Variants in MYT1L observed in about 807,000 individuals in gnomAD.
MYT1L encodes myelin transcription factor 1 like.
Under a neutral mutation model 126.7 loss-of-function variants are expected in MYT1L, and 12 were observed. That is an observed-to-expected ratio of 0.09 (90% CI 0.06 to 0.15). The LOEUF is 0.15. Among genes scored for constraint, MYT1L ranks in the 10% least tolerant of loss-of-function variants. The pLI, the probability that MYT1L is intolerant of heterozygous loss-of-function variation, is 1.00. For missense variants in MYT1L, 979 were observed against 1,585.2 expected (o/e 0.62, Z 6.49); for synonymous variants, 541 against 604.2 (o/e 0.90, Z 1.53).
At chr2:1,972,484 T>A (rs1377938631) in intron 8 of MYT1L, among the ~76,000 whole-genome samples, 2 of 152,226 alleles carry the variant, frequency 1.3e-5, no homozygotes, top group East Asian at 1.9e-4. Context: ...TTTCTTCTTT[T>A]TTTATTTATT....
In MYT1L at chr2:2,186,226, C is replaced by T. The variant is rs542493009; in HGVS notation, c.-420-13238G>A. Among the ~76,000 whole-genome samples the T allele has an allele frequency of 1.9e-4, 28 of 146,172 alleles. No individual in the cohort carries two copies. In the South Asian group the frequency reaches 5.9e-3, roughly 31 times the overall value. On this transcript the variant is annotated intron_variant, in intron 2 of 24. Transcript: ENST00000647738. ...CCGGGCCTTCCCGAGTCCCGCGTTC[C>T]TTACGTGAGGGGGACGCAGCCAGGC...
chr2:2,179,795 G>T (rs989374033), intron 2 of MYT1L, among the ~76,000 whole-genome samples: 2 of 152,150 alleles, frequency 1.3e-5, no homozygotes, highest in African/African-American at 4.8e-5. Context: ...AGTTTAAGCT[G>T]CTTTGTCCTC....
At chr2:2,278,428 T>C (rs1324420763) in intron 2 of MYT1L, among the ~76,000 whole-genome samples, 2 of 152,206 alleles carry the variant, frequency 1.3e-5, no homozygotes, top group Admixed American at 6.5e-5. Context: ...GTATGGAGAA[T>C]TATAAAGAGA....
chr2:1,975,460 G>A (rs1015738285), intron 8 of MYT1L, among the ~76,000 whole-genome samples: 2 of 152,252 alleles, frequency 1.3e-5, no homozygotes, highest in African/African-American at 4.8e-5. Flanking sequence ...TGGGCATGAT[G>A]GCTCATGCCT....
chr2:2,109,240 T>C (rs536238618), intron 3 of MYT1L, among the ~76,000 whole-genome samples: 1 of 152,236 alleles, frequency 6.6e-6, no homozygotes, highest in Non-Finnish European at 1.5e-5. Flanking sequence ...GTCTTTGGAA[T>C]GTTTGCTACA....
Position 2,295,651 on chromosome 2 carries a change from GAGAC to G in MYT1L, c.-520-11152_-520-11149del, listed in dbSNP as rs1174829191. On this transcript the variant is annotated intron_variant, in intron 1 of 24. Transcript: ENST00000647738. ...ACAGACAGACAGAGAGAGAGATAGA[GAGAC>G]AGACAGACAGAGAGAGAGAGAGAGA... Among the ~76,000 whole-genome samples, 9 of 135,390 alleles carry G rather than the reference GAGAC, an allele frequency of 6.6e-5. 1 individual carries two copies. The highest frequency in any genetic ancestry group is 1.8e-4 in the African/African-American group (6 of 32,484). The allele number at this position is 135,390 out of a possible 152,430, so 88.8% of individuals were successfully genotyped here.
chr2:2,180,778 A>G (rs2091369593), intron 2 of MYT1L, among the ~76,000 whole-genome samples: 2 of 125,704 alleles, frequency 1.6e-5, no homozygotes, highest in Admixed American at 8.1e-5. Context: ...CTGTATTTGT[A>G]CCTGTGTGTG....
intron 3 of MYT1L, among the ~76,000 whole-genome samples, chr2:2,114,865 A>C (rs987560054): frequency 6.6e-6 from 1 of 152,188 alleles, no homozygotes; most frequent in African/African-American, 2.4e-5. Context: ...CATAAATCAC[A>C]GTGATTTTCA....
intron 2 of MYT1L, among the ~76,000 whole-genome samples, chr2:2,274,839 G>A (rs1169019257): frequency 6.6e-6 from 1 of 152,170 alleles, no homozygotes; most frequent in African/African-American, 2.4e-5. Context: ...CAGAGCATGG[G>A]CAGAGGCTGA....
At position 1,883,674 on chromosome 2, in the gene MYT1L, G is replaced by A. The variant is rs189288238; in HGVS notation, c.2711+2865C>T. ...CCTAGAAAGGGCATACAAGGTGACGGTGAACTCCACCTCAAAGCATCGACG... is the reference window on the plus strand; with the variant it reads ...CCTAGAAAGGGCATACAAGGTGACGATGAACTCCACCTCAAAGCATCGACG... On this transcript the variant is annotated intron_variant, in intron 18 of 24. Coordinates refer to ENST00000647738, the MANE Select transcript of MYT1L (RefSeq NM_001303052.2). Among the ~76,000 whole-genome samples the A allele has an allele frequency of 2.4e-4, 37 of 152,252 alleles. 1 individual carries two copies. Among genetic ancestry groups the A allele is most frequent in the Middle Eastern group, 6.8e-3 (2 of 294 alleles).
At chr2:2,318,077 C>G (rs568832840) in intron 1 of MYT1L, among the ~76,000 whole-genome samples, 1 of 152,184 alleles carries the variant, frequency 6.6e-6, no homozygotes, top group African/African-American at 2.4e-5. Flanking sequence ...AATCAGCAAG[C>G]CTCACACTTC....
At chr2:1,899,858 A>G (rs1288397446) in intron 14 of MYT1L, among the ~76,000 whole-genome samples, 1 of 152,224 alleles carries the variant, frequency 6.6e-6, no homozygotes, top group Non-Finnish European at 1.5e-5. Context: ...ACAGACAGAC[A>G]CATAGACAGA....
rs760502285 is a variant in MYT1L at position 1,910,193 on chromosome 2, GGCAGAC to G, written c.1817+41_1817+46del. 1.1e-5 allele frequency: 17 copies of G among 1,551,236 alleles called. No homozygotes were observed. The highest frequency in any genetic ancestry group is 1.4e-5 in the Non-Finnish European group (16 of 1,128,586). On this transcript the variant is annotated intron_variant, in intron 13 of 24. Transcript: ENST00000647738. The surrounding 1 kb of genome is among the most constrained non-coding windows in gnomAD (Gnocchi z 4.8). ...GTGTCCCCAGCGCTCCGAGGTGTGG[GGCAGAC>G]TATGGATAGAGCTCACGGATGGTGC...
At chr2:2,121,495 T>C (rs2081007585) in intron 3 of MYT1L, among the ~76,000 whole-genome samples, 2 of 151,334 alleles carry the variant, frequency 1.3e-5, no homozygotes, top group African/African-American at 4.9e-5. Context: ...TTGCTTTTTG[T>C]TTTTTGAGAT....
chr2:2,328,757 A>C (rs898828863), intron 1 of MYT1L, among the ~76,000 whole-genome samples: 1 of 152,228 alleles, frequency 6.6e-6, no homozygotes, highest in East Asian at 1.9e-4. Context: ...TTTCCAACCC[A>C]CAACTATACA....
chr2:1,932,033 C>T (rs374834408), intron 9 of MYT1L, among the ~76,000 whole-genome samples: 12 of 152,234 alleles, frequency 7.9e-5, no homozygotes, highest in Admixed American at 5.2e-4. Context: ...GCCTTCTTGA[C>T]GACCGAAAGG....
At chr2:1,985,894 A>G (rs554492261) in intron 5 of MYT1L, among the ~76,000 whole-genome samples, 7 of 152,296 alleles carry the variant, frequency 4.6e-5, no homozygotes, top group Admixed American at 2.0e-4. Flanking sequence ...CTGTGCCTCA[A>G]TGGGTGCCCC....
At chr2:2,175,503 C>T (rs756241343) in intron 2 of MYT1L, among the ~76,000 whole-genome samples, 4 of 151,992 alleles carry the variant, frequency 2.6e-5, no homozygotes, top group South Asian at 2.1e-4. Context: ...GAGAGCTACA[C>T]GTTGATAGTG....
intron 2 of MYT1L, among the ~76,000 whole-genome samples, chr2:2,281,471 T>C (rs1448380360): frequency 6.6e-6 from 1 of 152,208 alleles, no homozygotes; most frequent in Non-Finnish European, 1.5e-5. Context: ...GAAGAGTAAA[T>C]GCTTGTGTCT....
Sources: gnomAD v4.1 joint callset for allele counts (sites outside exome capture counted in the v4.1 genomes callset) on GRCh38, gnomAD v4.1.1 for gene constraint, Gnocchi (gnomAD v3.1) non-coding constraint, MANE v1.5 for transcripts, NCBI Gene and HGNC (gene_info 2026-07-23, HGNC 2026-07-21) for gene names.